The following NOX4 variants were observed in gnomAD, a reference collection of about 807,000 sequenced individuals.
NOX4 encodes the protein kidney oxidase-1.
NOX4 carries 69 observed loss-of-function variants against 87.6 expected under a neutral mutation model. The ratio of observed to expected loss-of-function variants is 0.79; its 90% confidence interval spans 0.65 to 0.96. The LOEUF is 0.96. Among genes scored for constraint, NOX4 ranks in the 40% least tolerant of loss-of-function variants. The pLI, the probability that NOX4 is intolerant of heterozygous loss-of-function variation, is 0.00. For synonymous variants in NOX4, 275 were observed against 238.2 expected (o/e 1.15, Z -1.42); for missense variants, 680 against 681.5 (o/e 1.00, Z 0.02).
intron 2 of NOX4, among the ~76,000 whole-genome samples, chr11:89,470,790 T>C (rs1167469320): frequency 6.6e-6 from 1 of 152,192 alleles, no homozygotes; most frequent in Non-Finnish European, 1.5e-5. Flanking sequence ...ACCATTAGGC[T>C]ACTTGGCTAC....
At chr11:89,355,070 C>G (rs1249986970) in intron 12 of NOX4, 27 bp from the exon 13 acceptor site, 1 of 1,470,728 alleles carries the variant, frequency 6.8e-7, no homozygotes. Flanking sequence ...AAACATCAAG[C>G]TGTGAAAAGA....
chr11:89,371,293 G>T (rs886953606), intron 12 of NOX4, among the ~76,000 whole-genome samples: 2 of 151,968 alleles, frequency 1.3e-5, no homozygotes, highest in Middle Eastern at 3.4e-3. Context: ...AACAAAGAAG[G>T]TCTATTAATT....
intron 11 of NOX4, among the ~76,000 whole-genome samples, chr11:89,396,313 A>G (rs1352321987): frequency 1.3e-5 from 2 of 151,970 alleles, no homozygotes; most frequent in Non-Finnish European, 2.9e-5. Flanking sequence ...TTTGTCTGTT[A>G]TTGGTGTATA....
At chr11:89,582,291 G>A in the NOX4 span, among the ~76,000 whole-genome samples, 1 of 151,852 alleles carries the variant, frequency 6.6e-6, no homozygotes, top group East Asian at 1.9e-4. Flanking sequence ...TCTGTTGAGG[G>A]ATATTTAGGT....
intron 14 of NOX4, 66 bp from the exon 15 acceptor site, chr11:89,340,237 T>A: frequency 9.3e-7 from 1 of 1,069,638 alleles, no homozygotes; most frequent in Non-Finnish European, 1.4e-6. Context: ...AATTCGTATA[T>A]TTTTTAAAGT....
upstream of NOX4, among the ~76,000 whole-genome samples, chr11:89,493,716 A>ATTT (rs1946915337): frequency 9.9e-6 from 1 of 101,110 alleles, no homozygotes; most frequent in African/African-American, 3.4e-5. Flanking sequence ...TCTAAGCCAG[A>ATTT]TTGTTTTATT....
intron 7 of NOX4, among the ~76,000 whole-genome samples, chr11:89,427,999 C>T (rs1943542900): frequency 6.6e-6 from 1 of 152,178 alleles, no homozygotes; most frequent in Non-Finnish European, 1.5e-5. Flanking sequence ...AACGGAAGCC[C>T]ATCAGACTAA....
chr11:89,438,869 A>AT (rs1281014391), intron 6 of NOX4, among the ~76,000 whole-genome samples: 10 of 46,342 alleles, frequency 2.2e-4, no homozygotes, highest in African/African-American at 1.9e-3. Flanking sequence ...TATATATTAT[A>AT]TATATAATAT....
chr11:89,384,417 T>C (rs1251827505), intron 11 of NOX4, among the ~76,000 whole-genome samples: 1 of 152,130 alleles, frequency 6.6e-6, no homozygotes, highest in Non-Finnish European at 1.5e-5. Flanking sequence ...ATCCATTACC[T>C]ATCTCAGCAT....
intron 11 of NOX4, among the ~76,000 whole-genome samples, chr11:89,396,815 A>G (rs1325004179): frequency 1.3e-5 from 2 of 152,146 alleles, no homozygotes; most frequent in Admixed American, 6.6e-5. Context: ...CCAGATTCAT[A>G]AAGCAAGTCC....
chr11:89,485,277 C>A (rs113680440), intron 2 of NOX4, among the ~76,000 whole-genome samples: 57 of 152,066 alleles, frequency 3.7e-4, no homozygotes, highest in Admixed American at 6.6e-4. Flanking sequence ...TGCAGCAGAT[C>A]TAAAACAATA....
chr11:89,463,212 A>G lies in NOX4; in HGVS notation c.154-11317T>C, dbSNP rs143392111. Among the ~76,000 whole-genome samples the G allele has an allele frequency of 8.4e-4, 127 of 152,058 alleles. 1 individual carries two copies. Among genetic ancestry groups the G allele is most frequent in the African/African-American group, 3.0e-3 (124 of 41,556 alleles). Reference sequence around the variant, plus strand: ...AATAATTCCTATTAATAATAATAGGAACACTATTCTCTGGATTACCACTGA... The same window carrying G: ...AATAATTCCTATTAATAATAATAGGGACACTATTCTCTGGATTACCACTGA... On this transcript the variant is annotated intron_variant, in intron 2 of 17. Transcript: ENST00000263317.
chr11:89,491,162 G>C, intron 1 of NOX4, 28 bp downstream of exon 1: 1 of 1,608,144 alleles, frequency 6.2e-7, no homozygotes, highest in Non-Finnish European at 8.5e-7. Flanking sequence ...CAGAGAGAAC[G>C]CAAGGAGAGC....
chr11:89,343,976 A>G (rs1946112270), intron 13 of NOX4, among the ~76,000 whole-genome samples: 1 of 151,956 alleles, frequency 6.6e-6, no homozygotes, highest in African/African-American at 2.4e-5. Flanking sequence ...ATTTAAAAAA[A>G]CTGATTTAAA....
chr11:89,347,740 C>T (rs1239846919), intron 13 of NOX4, among the ~76,000 whole-genome samples: 3 of 152,200 alleles, frequency 2.0e-5, no homozygotes, highest in Admixed American at 6.5e-5. Context: ...ATTATGCCTC[C>T]GAACACCCTT....
At chr11:89,539,442 T>A in the NOX4 span, among the ~76,000 whole-genome samples, 1 of 151,614 alleles carries the variant, frequency 6.6e-6, no homozygotes, top group South Asian at 2.1e-4. Flanking sequence ...AAAAAAAAAA[T>A]TAATATAATA....
chr11:89,534,538 G>A, the NOX4 span, among the ~76,000 whole-genome samples: 1 of 152,170 alleles, frequency 6.6e-6, no homozygotes, highest in Non-Finnish European at 1.5e-5. Flanking sequence ...ACAGAATCGT[G>A]TTTTGTCCCA....
the NOX4 span, among the ~76,000 whole-genome samples, chr11:89,580,586 T>C: frequency 9.9e-3 from 1,512 of 152,330 alleles, 29 homozygotes; most frequent in African/African-American, 0.034. Context: ...AGTGAATGTA[T>C]ATTATTCTTG....
At chr11:89,382,155 G>T (rs1201784266) in intron 11 of NOX4, among the ~76,000 whole-genome samples, 2 of 151,870 alleles carry the variant, frequency 1.3e-5, no homozygotes, top group African/African-American at 2.4e-5. Context: ...GGGAGGGCAG[G>T]TACCCCCCAC....
Sources: gnomAD v4.1 joint callset for allele counts (sites outside exome capture counted in the v4.1 genomes callset) on GRCh38, gnomAD v4.1.1 for gene constraint, MANE v1.5 for transcripts, NCBI Gene and HGNC (gene_info 2026-07-23, HGNC 2026-07-21) for gene names.